CDH13: variants seen among roughly 807,000 people sequenced by gnomAD.
The protein encoded by CDH13 is cadherin 13.
A neutral mutation model predicts 63.8 loss-of-function variants in CDH13; 24 were observed. The ratio of observed to expected loss-of-function variants is 0.38; its 90% CI spans 0.27 to 0.53. The LOEUF is 0.53. CDH13 is among the 20% of genes least tolerant of loss of function. The probability of loss-of-function intolerance (pLI) is 0.85; values close to 1 mark genes in which losing one functional copy is unlikely to be tolerated. For missense variants in CDH13, 1,049 were observed against 903.1 expected (o/e 1.16, Z -2.07); for synonymous variants, 503 against 355.3 (o/e 1.42, Z -4.67).
chr16:83,488,049 A>T (rs1009648294), intron 7 of CDH13, among the ~76,000 whole-genome samples: 1 of 152,176 alleles, frequency 6.6e-6, no homozygotes, highest in Admixed American at 6.5e-5. Flanking sequence ...CTTGGTCTAG[A>T]CCTGAATTGT....
At chr16:82,908,169 G>T (rs934519402) in intron 2 of CDH13, among the ~76,000 whole-genome samples, 9 of 152,114 alleles carry the variant, frequency 5.9e-5, no homozygotes, top group African/African-American at 2.2e-4. Flanking sequence ...TTTGAAATAA[G>T]AAAGGAAAAG....
chr16:82,631,949 G>C (rs563284019), intron 1 of CDH13, among the ~76,000 whole-genome samples: 36 of 152,262 alleles, frequency 2.4e-4, no homozygotes, highest in African/African-American at 7.7e-4. Flanking sequence ...CTGGGCAGAG[G>C]TTGCCAAGTA....
At chr16:82,984,905 C>A (rs1436734132) in intron 2 of CDH13, among the ~76,000 whole-genome samples, 1 of 152,142 alleles carries the variant, frequency 6.6e-6, no homozygotes, top group East Asian at 1.9e-4. Flanking sequence ...CTGGGACTTA[C>A]AGTGAATTGT....
intron 4 of CDH13, among the ~76,000 whole-genome samples, chr16:83,164,539 G>A (rs1055532063): frequency 6.6e-6 from 1 of 151,950 alleles, no homozygotes; most frequent in Non-Finnish European, 1.5e-5. Context: ...TGGCCAACAT[G>A]GTGAAACCCC....
intron 2 of CDH13, among the ~76,000 whole-genome samples, chr16:83,031,331 G>A (rs1213976537): frequency 2.4e-4 from 34 of 141,112 alleles, no homozygotes; most frequent in Admixed American, 7.6e-4. Flanking sequence ...GTATATATAT[G>A]TATATGTATA....
chr16:83,089,576 G>A (rs2033793256), intron 3 of CDH13, among the ~76,000 whole-genome samples: 1 of 152,238 alleles, frequency 6.6e-6, no homozygotes, highest in Non-Finnish European at 1.5e-5. Flanking sequence ...CCAGGGCTTG[G>A]TGCCTGCTCT....
At position 82,771,805 on chromosome 16, in the gene CDH13, A is replaced by C. The variant is rs139872243; in HGVS notation, c.46-86557A>C. On this transcript the variant is annotated intron_variant, in intron 1 of 13. Coordinates refer to ENST00000567109, the MANE Select transcript of CDH13 (RefSeq NM_001257.5). ...GAGTTTGGCAAGAGGGAGACTGAGCAAGGGTGTCATCTCAAGCGAAGTTCC... is the reference window on the plus strand; with the variant it reads ...GAGTTTGGCAAGAGGGAGACTGAGCCAGGGTGTCATCTCAAGCGAAGTTCC... 5.9e-4 allele frequency among the ~76,000 whole-genome samples: 90 copies of C among 152,362 alleles called. 1 individual carries two copies. The highest frequency in any genetic ancestry group is 1.9e-3 in the African/African-American group (81 of 41,588).
chr16:83,606,507 G>A (rs1385762055), intron 8 of CDH13, among the ~76,000 whole-genome samples: 1 of 152,108 alleles, frequency 6.6e-6, no homozygotes, highest in Non-Finnish European at 1.5e-5. Flanking sequence ...GGTGGCGGAA[G>A]TGGGAGGATT....
At chr16:83,635,693 A>G (rs913886533) in intron 8 of CDH13, among the ~76,000 whole-genome samples, 2 of 152,264 alleles carry the variant, frequency 1.3e-5, no homozygotes, top group African/African-American at 2.4e-5. Context: ...TCTTTTATGT[A>G]GTCTATATGC....
chr16:83,041,403 A>G (rs1917318405), intron 3 of CDH13, among the ~76,000 whole-genome samples: 1 of 152,202 alleles, frequency 6.6e-6, no homozygotes, highest in Non-Finnish European at 1.5e-5. Flanking sequence ...GTTCCAAAAA[A>G]AAAATAAAAG....
At chr16:83,520,037 A>G (rs2074792892) in intron 7 of CDH13, among the ~76,000 whole-genome samples, 1 of 152,210 alleles carries the variant, frequency 6.6e-6, no homozygotes, top group Non-Finnish European at 1.5e-5. Flanking sequence ...CATGATATAA[A>G]TGTTCACCAT....
At chr16:82,642,085 G>A (rs1909472102) in intron 1 of CDH13, among the ~76,000 whole-genome samples, 1 of 122,810 alleles carries the variant, frequency 8.1e-6, no homozygotes, top group Non-Finnish European at 1.7e-5. Context: ...AACAGCTCAT[G>A]GAGGGCAAAA....
chr16:82,711,267 C>T (rs796468540), intron 1 of CDH13, among the ~76,000 whole-genome samples: 3 of 152,240 alleles, frequency 2.0e-5, no homozygotes, highest in African/African-American at 7.2e-5. Context: ...CAGTGAAGAG[C>T]CCTTCATCAT....
At chr16:82,952,989 C>T (rs542132467) in intron 2 of CDH13, among the ~76,000 whole-genome samples, 2 of 152,318 alleles carry the variant, frequency 1.3e-5, no homozygotes, top group African/African-American at 4.8e-5. Flanking sequence ...GTACTCAGCA[C>T]ATCTGCTTGT....
chr16:83,215,231 C>G (rs1284474238), intron 4 of CDH13, among the ~76,000 whole-genome samples: 1 of 151,654 alleles, frequency 6.6e-6, no homozygotes, highest in Non-Finnish European at 1.5e-5. Context: ...TGTGCGCCAT[C>G]ACGCCCAGCT....
intron 2 of CDH13, among the ~76,000 whole-genome samples, chr16:82,958,779 G>C (rs1384320323): frequency 6.6e-6 from 1 of 152,266 alleles, no homozygotes; most frequent in African/African-American, 2.4e-5. Context: ...GCAGGAAAGA[G>C]AGACGGTTAA....
intron 2 of CDH13, among the ~76,000 whole-genome samples, chr16:82,995,313 A>G (rs559022443): frequency 1.3e-5 from 2 of 152,184 alleles, no homozygotes; most frequent in Non-Finnish European, 2.9e-5. Flanking sequence ...TTCTCCAGCC[A>G]CCTTGCATCT....
intron 3 of CDH13, among the ~76,000 whole-genome samples, chr16:83,082,641 C>G (rs2033333193): frequency 6.6e-6 from 1 of 152,008 alleles, no homozygotes; most frequent in Non-Finnish European, 1.5e-5. Context: ...AAGACTGTCT[C>G]AACAACAACA....
At chr16:83,174,933 G>A (rs908797144) in intron 4 of CDH13, among the ~76,000 whole-genome samples, 1 of 152,040 alleles carries the variant, frequency 6.6e-6, no homozygotes, top group Non-Finnish European at 1.5e-5. Context: ...AACAGCTTGG[G>A]GGAACTGCCC....
Sources: allele counts gnomAD v4.1 joint callset (sites outside exome capture counted in the v4.1 genomes callset), GRCh38; gene constraint gnomAD v4.1.1; transcripts MANE v1.5; gene names NCBI Gene and HGNC (gene_info 2026-07-23, HGNC 2026-07-21).